CEP128: variants seen among roughly 807,000 people sequenced by gnomAD.
CEP128 encodes centrosomal protein 128.
In CEP128, 132 loss-of-function variants were observed where a neutral mutation model predicts 156.7. The ratio of observed to expected loss-of-function variants is 0.84; its 90% CI spans 0.73 to 0.97. CEP128 has a LOEUF of 0.97. CEP128 is among the 50% of genes least tolerant of loss of function. The pLI, the probability that CEP128 is intolerant of heterozygous loss-of-function variation, is 0.00. For missense variants in CEP128, 1,252 were observed against 1,281.9 expected (o/e 0.98, Z 0.36); for synonymous variants, 469 against 448.9 (o/e 1.04, Z -0.57).
chr14:80,542,414 TC>T (rs1043821391), intron 21 of CEP128, among the ~76,000 whole-genome samples: 54 of 152,224 alleles, frequency 3.5e-4, no homozygotes, highest in African/African-American at 1.3e-3. Context: ...AATTTAAAAA[TC>T]GACTATCTTT....
At position 80,914,358 on chromosome 14, in the gene CEP128, T is replaced by C; in HGVS notation, c.198A>G (p.Arg66=). The change falls in exon 4 of 25, where the codon CGA becomes CGG. Residue 66 remains arginine, a synonymous_variant. Transcript: ENST00000555265. ...CACCCGCCTGTCCATTACTGTATTC[T>C]CGGTATCGTCCAAGCATCTGGTCCA... ...RQVDQMLGRY[R]EYSNGQAGAI... is the part of the protein sequence containing the mutation. 1 of 1,613,990 alleles carries C rather than the reference T, an allele frequency of 6.2e-7. No homozygotes were observed. Among genetic ancestry groups the C allele is most frequent in the Non-Finnish European group, 8.5e-7 (1 of 1,179,894 alleles).
chr14:80,602,318 A>G (rs1266321309), intron 19 of CEP128, among the ~76,000 whole-genome samples: 2 of 152,222 alleles, frequency 1.3e-5, no homozygotes, highest in East Asian at 3.8e-4. Flanking sequence ...TTGAAGAAAG[A>G]TCAGCAAGTA....
intron 20 of CEP128, among the ~76,000 whole-genome samples, chr14:80,566,437 T>C (rs1890911264): frequency 6.6e-6 from 1 of 152,116 alleles, no homozygotes; most frequent in Non-Finnish European, 1.5e-5. Flanking sequence ...TTTAAGATAA[T>C]GAAAAGGGAA....
At position 80,743,177 on chromosome 14, in the gene CEP128, GTT is replaced by G. The variant is rs1370755413; in HGVS notation, c.2702_2703del (p.Gln901ProfsTer6). Reference protein sequence around the residue: ...LRHQLMLCRQQLRNLTENKES... With the variant: ...LRHQLMLCRQXLRNLTENKES... Reference sequence around the variant, plus strand: ...TCCTTGTTTTCAGTCAAATTCCTGAGTTGTTGTCTGCAGAGCATCAGCTGGTG... The same window carrying G: ...TCCTTGTTTTCAGTCAAATTCCTGAGGTTGTCTGCAGAGCATCAGCTGGTG... On this transcript the variant is annotated frameshift_variant, in exon 19 of 25. Transcript: ENST00000555265. LOFTEE classifies it high-confidence loss of function. The G allele has an allele frequency of 6.2e-6, 10 of 1,613,594 alleles. No homozygotes were observed. The highest frequency in any genetic ancestry group is 8.5e-6 in the Non-Finnish European group (10 of 1,179,820).
Position 80,614,144 on chromosome 14 carries a change from A to T in CEP128, c.2807-33721T>A, listed in dbSNP as rs902243908. On this transcript the variant is annotated intron_variant, in intron 19 of 24. Transcript: ENST00000555265. ...ATACAAAAAATATACATAAAATTGG[A>T]AGAAAAAAATTGAGGTGGTTAAAAA... Among the ~76,000 whole-genome samples the T allele has an allele frequency of 2.0e-5, 3 of 152,194 alleles. No individual in the cohort carries two copies. In the East Asian group the frequency reaches 5.8e-4, roughly 29 times the overall value.
chr14:80,532,187 G>C (rs1000903328), intron 21 of CEP128, among the ~76,000 whole-genome samples: 2 of 150,602 alleles, frequency 1.3e-5, no homozygotes, highest in Non-Finnish European at 3.0e-5. Context: ...TCAATTATGA[G>C]TATATATATA....
At chr14:80,669,462 C>T (rs1471107944) in intron 19 of CEP128, among the ~76,000 whole-genome samples, 3 of 150,902 alleles carry the variant, frequency 2.0e-5, no homozygotes, top group African/African-American at 7.3e-5. Context: ...AACAGCTCAA[C>T]AGAAGAAAAA....
rs187872764 is a variant in CEP128 at position 80,518,754 on chromosome 14, G to A, written c.3072+8115C>T. Among the ~76,000 whole-genome samples the A allele has an allele frequency of 3.3e-5, 5 of 152,154 alleles. No homozygotes were observed. In the East Asian group the frequency reaches 9.7e-4, roughly 29 times the overall value. On this transcript the variant is annotated intron_variant, in intron 23 of 24. Transcript: ENST00000555265. The stretch of plus-strand genomic sequence containing the variant: ...TATTTCTTTCACTTTTGGAAAATGA[G>A]GAGGTTTAACTCTATTATATCTTTA...
Position 80,580,421 on chromosome 14 carries a change from G to T in CEP128, c.2809C>A (p.Leu937Ile). The T allele has an allele frequency of 6.3e-7, 1 of 1,590,532 alleles. No individual in the cohort carries two copies. The highest frequency in any genetic ancestry group is 8.6e-7 in the Non-Finnish European group (1 of 1,161,112). Residue 937 changes from leucine to isoleucine, a missense_variant and splice_region_variant, in exon 20 of 25, where the codon CTA (leucine) becomes ATA (isoleucine). Physicochemically the swap from Leu to Ile is conservative, Grantham distance 5 (BLOSUM62 2). Transcript: ENST00000555265. ...TCTTTTCTTTGGGTCTCTTCCAGTA[G>T]ATCTGTAATAAGAAAGTAAAATACC... The part of the protein sequence containing the change: ...LDEIHREKRD[L>I]LEETQRKDEE...
chr14:80,599,318 G>C (rs1349034172), intron 19 of CEP128, among the ~76,000 whole-genome samples: 5 of 141,232 alleles, frequency 3.5e-5, no homozygotes, highest in Non-Finnish European at 6.0e-5. Flanking sequence ...TGTCACCCAG[G>C]CTGGAGTGCA....
At chr14:80,873,466 C>T (rs1888127843) in intron 8 of CEP128, among the ~76,000 whole-genome samples, 1 of 152,068 alleles carries the variant, frequency 6.6e-6, no homozygotes, top group South Asian at 2.1e-4. Flanking sequence ...TCTCTTGTCA[C>T]GTGGTGAAAG....
intron 6 of CEP128, among the ~76,000 whole-genome samples, chr14:80,491,398 T>TAC (rs1165280712): frequency 6.6e-6 from 1 of 152,044 alleles, no homozygotes; most frequent in Non-Finnish European, 1.5e-5. Context: ...TTGCATCTAT[T>TAC]TTACTCAGGC....
At chr14:80,918,637 C>A (rs188633885) in intron 2 of CEP128, among the ~76,000 whole-genome samples, 1 of 152,190 alleles carries the variant, frequency 6.6e-6, no homozygotes, top group Admixed American at 6.5e-5. Flanking sequence ...TTCTGCTGTC[C>A]GATTATCCTG....
At chr14:80,758,746 T>C (rs1467235285) in intron 17 of CEP128, among the ~76,000 whole-genome samples, 2 of 152,238 alleles carry the variant, frequency 1.3e-5, no homozygotes, top group Non-Finnish European at 2.9e-5. Context: ...CAATACAAAA[T>C]AATGATAGGT....
At chr14:80,871,752 A>C (rs1888039213) in intron 8 of CEP128, among the ~76,000 whole-genome samples, 1 of 152,176 alleles carries the variant, frequency 6.6e-6, no homozygotes, top group African/African-American at 2.4e-5. Context: ...TTATCAACTA[A>C]GTTTAAGACT....
At position 80,785,139 on chromosome 14, in the gene CEP128, C is replaced by G. The variant is rs1375783784; in HGVS notation, c.1967G>C (p.Arg656Thr). The G allele has an allele frequency of 5.0e-6, 8 of 1,614,028 alleles. No individual in the cohort carries two copies. Among genetic ancestry groups the G allele is most frequent in the Non-Finnish European group, 6.8e-6 (8 of 1,180,006 alleles). The change falls in exon 15 of 25, where the codon AGA (arginine) becomes ACA (threonine). Residue 656 changes from arginine to threonine, a missense_variant. Arg to Thr is a moderately conservative substitution (Grantham distance 71). Transcript: ENST00000555265. Reference protein sequence around the residue: ...DLANKLAEEERAKKAVLKDLS... With the variant: ...DLANKLAEEETAKKAVLKDLS... ...GTCCTTAAGCACTGCTTTCTTGGCT[C>G]TCTCTTCCTCAGCCAATTTATTAGC...
chr14:80,773,930 G>C (rs1011530485), intron 16 of CEP128, among the ~76,000 whole-genome samples: 3 of 152,108 alleles, frequency 2.0e-5, no homozygotes, highest in African/African-American at 7.2e-5. Context: ...TTTTGCCCTG[G>C]TTAGAAGCTA....
intron 14 of CEP128, among the ~76,000 whole-genome samples, chr14:80,789,585 G>A (rs1901596123): frequency 6.6e-6 from 1 of 152,042 alleles, no homozygotes; most frequent in Non-Finnish European, 1.5e-5. Flanking sequence ...GAGAAATGTA[G>A]GGGCATAAAT....
chr14:80,787,247 G>A (rs117114713), intron 14 of CEP128, among the ~76,000 whole-genome samples: 3 of 152,278 alleles, frequency 2.0e-5, no homozygotes, highest in Non-Finnish European at 4.4e-5. Context: ...CCATGTCCAA[G>A]CTCATTCAGG....
Sources: gnomAD v4.1 joint callset for allele counts (sites outside exome capture counted in the v4.1 genomes callset) on GRCh38, gnomAD v4.1.1 for gene constraint, MANE v1.5 for transcripts, NCBI Gene and HGNC (gene_info 2026-07-23, HGNC 2026-07-21) for gene names.